The following OLA1 variants were observed in gnomAD, a reference collection of about 807,000 sequenced individuals.
OLA1 encodes the protein obg-like ATPase 1.
A neutral mutation model predicts 48.4 loss-of-function variants in OLA1; 14 were observed. The ratio of observed to expected loss-of-function variants is 0.29; its 90% CI spans 0.19 to 0.45. The LOEUF is 0.45. Among genes scored for constraint, OLA1 ranks in the 20% least tolerant of loss-of-function variants. OLA1 has a pLI of 1.00. For synonymous variants in OLA1, 127 were observed against 150.4 expected, an observed-to-expected ratio of 0.84 and a Z score of 1.14; for missense variants, 325 against 467.1, an observed-to-expected ratio of 0.70 and a Z score of 2.80.
At chr2:174,113,383 G>T (rs914886753) in intron 7 of OLA1, among the ~76,000 whole-genome samples, 2 of 151,924 alleles carry the variant, frequency 1.3e-5, no homozygotes, top group African/African-American at 4.8e-5. Context: ...TTTTAGACTT[G>T]GCAATTTCAT....
At chr2:174,190,611 A>C (rs935020472) in intron 4 of OLA1, among the ~76,000 whole-genome samples, 10 of 151,974 alleles carry the variant, frequency 6.6e-5, no homozygotes, top group Non-Finnish European at 1.2e-4. Context: ...AAAGGCAGTA[A>C]GTACTGCTTC....
chr2:174,108,616 G>A (rs1685567475), intron 7 of OLA1, among the ~76,000 whole-genome samples: 1 of 152,140 alleles, frequency 6.6e-6, no homozygotes. Flanking sequence ...CTGGAGCCAG[G>A]AAACTGGAGC....
intron 4 of OLA1, among the ~76,000 whole-genome samples, chr2:174,217,313 C>T (rs1443841709): frequency 6.6e-6 from 1 of 152,068 alleles, no homozygotes; most frequent in African/African-American, 2.4e-5. Context: ...ATCCACTCGC[C>T]TCAGCCTCCC....
intron 5 of OLA1, among the ~76,000 whole-genome samples, chr2:174,128,366 C>T (rs1056148253): frequency 2.6e-5 from 4 of 151,754 alleles, no homozygotes; most frequent in Admixed American, 2.6e-4. Flanking sequence ...ACGCCATGCA[C>T]TCCAGCCTGG....
At chr2:174,168,423 G>A (rs1371365898) in intron 4 of OLA1, among the ~76,000 whole-genome samples, 1 of 151,898 alleles carries the variant, frequency 6.6e-6, no homozygotes, top group Non-Finnish European at 1.5e-5. Flanking sequence ...ACACATATGA[G>A]AGAAAAACTG....
rs999281984 is a variant in OLA1 at position 174,244,112 on chromosome 2, G to T, written c.101+2603C>A. Reference sequence around the variant, plus strand: ...CCACTTGGCTCTTATCCCTCTTGAGGCCTGGCTGTTCAGATTGTAATTCAC... The same window carrying T: ...CCACTTGGCTCTTATCCCTCTTGAGTCCTGGCTGTTCAGATTGTAATTCAC... On this transcript the variant is annotated intron_variant, in intron 2 of 10. Coordinates refer to ENST00000284719, the MANE Select transcript of OLA1 (RefSeq NM_013341.5). 2.0e-5 allele frequency among the ~76,000 whole-genome samples: 3 copies of T among 152,270 alleles called. No homozygotes were observed. The South Asian group carries it at 6.2e-4, about 32-fold the overall frequency.
intron 2 of OLA1, among the ~76,000 whole-genome samples, chr2:174,238,850 G>A (rs551253551): frequency 6.6e-6 from 1 of 152,222 alleles, no homozygotes; most frequent in East Asian, 1.9e-4. Flanking sequence ...ATACTGTGGT[G>A]TCAGAAAGTA....
intron 7 of OLA1, among the ~76,000 whole-genome samples, chr2:174,095,342 TTTTTTTTG>T (rs1173272748): frequency 1.6e-5 from 2 of 125,736 alleles, no homozygotes; most frequent in African/African-American, 2.9e-5. Flanking sequence ...TTTTTTTTTT[TTTTTTTTG>T]TTGTTGTTGT....
chr2:174,190,872 G>A (rs1016967966), intron 4 of OLA1, among the ~76,000 whole-genome samples: 11 of 147,356 alleles, frequency 7.5e-5, no homozygotes, highest in Non-Finnish European at 1.3e-4. Flanking sequence ...TTGAACCCGG[G>A]AGGCAGAGCT....
At chr2:174,163,767 TATATATATAAATA>T (rs1687087731) in intron 4 of OLA1, among the ~76,000 whole-genome samples, 1 of 31,842 alleles carries the variant, frequency 3.1e-5, no homozygotes, top group Admixed American at 3.6e-4. Context: ...TATATATATA[TATATATATAAATA>T]AATGTTTGGG....
intron 7 of OLA1, among the ~76,000 whole-genome samples, chr2:174,085,248 C>A (rs1200744736): frequency 1.3e-5 from 2 of 152,154 alleles, no homozygotes; most frequent in African/African-American, 2.4e-5. Flanking sequence ...AGTCCTCAAC[C>A]CCTGGACTGT....
At chr2:174,114,243 G>A (rs1032950257) in intron 7 of OLA1, among the ~76,000 whole-genome samples, 8 of 145,376 alleles carry the variant, frequency 5.5e-5, no homozygotes, top group Admixed American at 3.5e-4. Context: ...TCGGAAGGCT[G>A]AGACAGGAGA....
At chr2:174,222,358 C>T (rs1325061818) in intron 4 of OLA1, among the ~76,000 whole-genome samples, 1 of 151,994 alleles carries the variant, frequency 6.6e-6, no homozygotes, top group Non-Finnish European at 1.5e-5. Context: ...CACAGCTGGC[C>T]CTCTCACCTC....
intron 4 of OLA1, among the ~76,000 whole-genome samples, chr2:174,145,632 A>G (rs1686576099): frequency 6.6e-6 from 1 of 152,224 alleles, no homozygotes; most frequent in Admixed American, 6.5e-5. Flanking sequence ...AGAGTAAAAA[A>G]AATTAAAAAC....
At chr2:174,192,936 T>TTA (rs1182371264) in intron 4 of OLA1, among the ~76,000 whole-genome samples, 1 of 152,180 alleles carries the variant, frequency 6.6e-6, no homozygotes, top group African/African-American at 2.4e-5. Flanking sequence ...ACCTTTCATT[T>TTA]TAAGCAGCTT....
chr2:174,235,379 GA>G (rs1688825316), intron 2 of OLA1, among the ~76,000 whole-genome samples: 2 of 152,142 alleles, frequency 1.3e-5, no homozygotes, highest in Admixed American at 6.5e-5. Flanking sequence ...CAGACAGTAA[GA>G]TTTAAATTCA....
At chr2:174,151,019 T>G (rs1686733261) in intron 4 of OLA1, among the ~76,000 whole-genome samples, 1 of 151,892 alleles carries the variant, frequency 6.6e-6, no homozygotes, top group African/African-American at 2.4e-5. Context: ...TTGATCACAG[T>G]GAGAAATTGT....
At chr2:174,169,835 T>C (rs541153051) in intron 4 of OLA1, among the ~76,000 whole-genome samples, 2 of 152,350 alleles carry the variant, frequency 1.3e-5, no homozygotes, top group African/African-American at 2.4e-5. Flanking sequence ...AAGTCATTTA[T>C]GATGTACTAA....
intron 4 of OLA1, among the ~76,000 whole-genome samples, chr2:174,188,821 T>C (rs576544948): frequency 4.6e-5 from 7 of 152,322 alleles, no homozygotes; most frequent in East Asian, 1.9e-4. Flanking sequence ...GAAACATAAA[T>C]AAATTTCATG....
Sources: allele counts gnomAD v4.1 joint callset (sites outside exome capture counted in the v4.1 genomes callset), GRCh38; gene constraint gnomAD v4.1.1; transcripts MANE v1.5; gene names NCBI Gene and HGNC (gene_info 2026-07-23, HGNC 2026-07-21).